Variants in RYR2 observed in about 807,000 individuals in gnomAD.
RYR2 encodes the protein ryanodine receptor 2.
In RYR2, 227 loss-of-function variants were observed where a neutral mutation model predicts 601.1. The observed-to-expected ratio is 0.38, with a 90% CI of 0.34 to 0.42. The LOEUF is 0.42. Among genes scored for constraint, RYR2 ranks in the 10% least tolerant of loss-of-function variants. RYR2 has a pLI of 1.00. For missense variants in RYR2, 4,646 were observed against 6,156.5 expected, an observed-to-expected ratio of 0.75 and a Z score of 8.21; for synonymous variants, 2,223 against 2,175.1, an observed-to-expected ratio of 1.02 and a Z score of -0.61.
At chr1:237,741,783 G>A (rs1691630630) in intron 79 of RYR2, among the ~76,000 whole-genome samples, 1 of 152,012 alleles carries the variant, frequency 6.6e-6, no homozygotes, top group South Asian at 2.1e-4. Flanking sequence ...TGTATTTTTA[G>A]TAGAGACAGG....
intron 98 of RYR2, among the ~76,000 whole-genome samples, chr1:237,803,579 C>T (rs748436766): frequency 7.2e-5 from 11 of 152,136 alleles, no homozygotes; most frequent in African/African-American, 1.2e-4. Flanking sequence ...GGATTACAAG[C>T]GTGAGCCACC....
chr1:237,487,308 C>T (rs1662789072), intron 17 of RYR2, among the ~76,000 whole-genome samples: 1 of 151,994 alleles, frequency 6.6e-6, no homozygotes, highest in African/African-American at 2.4e-5. Flanking sequence ...ATATTGTATA[C>T]CTATTCCTTT....
intron 25 of RYR2, among the ~76,000 whole-genome samples, chr1:237,531,847 A>G (rs994833476): frequency 6.6e-6 from 1 of 152,202 alleles, no homozygotes; most frequent in East Asian, 1.9e-4. Context: ...TCTTATGAGC[A>G]CAGACCACAG....
chr1:237,096,837 A>G lies in RYR2; in HGVS notation c.48+54268A>G, dbSNP rs555603416. Among the ~76,000 whole-genome samples, 83 of 152,284 alleles carry G rather than the reference A, an allele frequency of 5.5e-4. No homozygotes were observed. In the South Asian group the frequency reaches 6.8e-3, roughly 13 times the overall value. On this transcript the variant is annotated intron_variant, in intron 1 of 104. Coordinates refer to ENST00000366574, the MANE Select transcript of RYR2 (RefSeq NM_001035.3). ...TAGAGAGCAACATCTCATGCCCCCTATAAATCTGTGTGGGTGTGTCCAGGA... is the reference window on the plus strand; with the variant it reads ...TAGAGAGCAACATCTCATGCCCCCTGTAAATCTGTGTGGGTGTGTCCAGGA...
chr1:237,618,326 C>A (rs753159567), intron 38 of RYR2, among the ~76,000 whole-genome samples: 1 of 152,126 alleles, frequency 6.6e-6, no homozygotes, highest in Admixed American at 6.5e-5. Flanking sequence ...TGTTGGGAAA[C>A]TTCTGCTTCT....
At chr1:237,522,241 G>T (rs558856526) in intron 24 of RYR2, among the ~76,000 whole-genome samples, 1 of 152,230 alleles carries the variant, frequency 6.6e-6, no homozygotes, top group East Asian at 1.9e-4. Flanking sequence ...AGCAGAAAAA[G>T]AATTGTCTTG....
At chr1:237,260,670 A>AAAAAT (rs1316503498) in intron 1 of RYR2, among the ~76,000 whole-genome samples, 1 of 152,198 alleles carries the variant, frequency 6.6e-6, no homozygotes, top group African/African-American at 2.4e-5. Context: ...CTGTCTCTAC[A>AAAAAT]AAAATAAAAT....
chr1:237,275,468 A>G (rs539906263), intron 2 of RYR2, among the ~76,000 whole-genome samples: 2 of 151,594 alleles, frequency 1.3e-5, no homozygotes, highest in Admixed American at 6.5e-5. Context: ...AATTTAGACT[A>G]AAAAACTTTG....
chr1:237,687,379 T>TAA, intron 62 of RYR2, 76 bp from the exon 63 acceptor site: 1 of 656,774 alleles, frequency 1.5e-6, no homozygotes, highest in Non-Finnish European at 2.5e-6. Flanking sequence ...TTTTTTTTTT[T>TAA]TTTTTAATTT....
chr1:237,687,360 C>CTTTTTTTTTT, intron 62 of RYR2, 95 bp from the exon 63 acceptor site: 1 of 492,270 alleles, frequency 2.0e-6, no homozygotes, highest in Non-Finnish European at 3.2e-6. Flanking sequence ...TTTCTTTTTT[C>CTTTTTTTTTT]TTCTTCTTTT....
chr1:237,418,405 T>G (rs1705227268), intron 11 of RYR2, among the ~76,000 whole-genome samples: 1 of 152,168 alleles, frequency 6.6e-6, no homozygotes, highest in Non-Finnish European at 1.5e-5. Flanking sequence ...GTGATGAGAA[T>G]AGTTTAGAGG....
At chr1:237,653,934 C>T (rs950697055) in intron 51 of RYR2, among the ~76,000 whole-genome samples, 3 of 152,178 alleles carry the variant, frequency 2.0e-5, no homozygotes, top group Non-Finnish European at 4.4e-5. Context: ...TTATCCTAGC[C>T]GTGCTGGCAG....
Position 237,832,542 on chromosome 1 carries a change from A to T in RYR2, c.14809-10A>T, listed in dbSNP as rs1455014769. The T allele has an allele frequency of 2.5e-6, 4 of 1,580,982 alleles. No homozygotes were observed. The highest frequency in any genetic ancestry group is 1.3e-5 in the African/African-American group (1 of 74,100). On this transcript the variant is annotated splice_polypyrimidine_tract_variant and intron_variant, in intron 104 of 104. Transcript: ENST00000366574. ...GGGAAAATGTTAATACATTTCCTTG[A>T]CTTTTGCAGGAATCTTATGTCTGGA...
chr1:237,104,071 G>A (rs1048243728), intron 1 of RYR2, among the ~76,000 whole-genome samples: 4 of 151,994 alleles, frequency 2.6e-5, no homozygotes, highest in African/African-American at 9.7e-5. Flanking sequence ...CAAATGCATC[G>A]GTTCCTCATC....
chr1:237,787,550 C>T (rs1358496161), intron 91 of RYR2, among the ~76,000 whole-genome samples: 1 of 150,046 alleles, frequency 6.7e-6, no homozygotes, highest in Non-Finnish European at 1.5e-5. Flanking sequence ...TGAGATGGCG[C>T]CCCTGCATTC....
chr1:237,579,889 C>A (rs936882410), intron 29 of RYR2, among the ~76,000 whole-genome samples: 2 of 151,820 alleles, frequency 1.3e-5, no homozygotes, highest in Admixed American at 6.6e-5. Flanking sequence ...GTAAGGAAAG[C>A]AAAACAAAAC....
chr1:237,380,562 C>A (rs4375258), intron 8 of RYR2, among the ~76,000 whole-genome samples: 15,741 of 150,188 alleles, frequency 0.1, 966 homozygotes, highest in African/African-American at 0.16. Flanking sequence ...TGGAATCCAA[C>A]AAGGCTCGTA....
chr1:237,450,679 C>G (rs1194495361), intron 14 of RYR2, among the ~76,000 whole-genome samples: 1 of 152,122 alleles, frequency 6.6e-6, no homozygotes. Context: ...GAAATGTAGC[C>G]TAGAACGTCT....
At chr1:237,351,262 C>A (rs1386532666) in intron 3 of RYR2, among the ~76,000 whole-genome samples, 2 of 151,900 alleles carry the variant, frequency 1.3e-5, no homozygotes, top group Non-Finnish European at 2.9e-5. Context: ...ATAAGAAGAA[C>A]TGAATAATCA....
Sources: allele counts gnomAD v4.1 joint callset (sites outside exome capture counted in the v4.1 genomes callset), GRCh38; gene constraint gnomAD v4.1.1; transcripts MANE v1.5; gene names NCBI Gene and HGNC (gene_info 2026-07-23, HGNC 2026-07-21).